SEMA5A: variants seen among roughly 807,000 people sequenced by gnomAD.
SEMA5A encodes semaphorin-5A.
In SEMA5A, 55 loss-of-function variants were observed where a neutral mutation model predicts 135.5. That is an observed-to-expected ratio of 0.41 (90% CI 0.33 to 0.51). The LOEUF (loss-of-function observed/expected upper bound fraction) is 0.51, where lower values mean the gene tolerates loss of function less well. Among genes scored for constraint, SEMA5A ranks in the 20% least tolerant of loss-of-function variants. The pLI is 0.37. For missense variants in SEMA5A, 1,290 were observed against 1,419.9 expected (o/e 0.91, Z 1.47); for synonymous variants, 580 against 546.5 (o/e 1.06, Z -0.85).
intron 1 of SEMA5A, among the ~76,000 whole-genome samples, chr5:9,468,598 C>CTACCTGTAAAGTTTATGCATGTAAA (rs71287841): frequency 1.3e-5 from 2 of 151,756 alleles, no homozygotes; most frequent in Non-Finnish European, 2.9e-5. Context: ...GGGGTGTGTC[C>CTACCTGTAAAGTTTATGCATGTAAA]TACATTTAAA....
intron 11 of SEMA5A, 65 bp from the exon 12 acceptor site, chr5:9,154,760 A>C: frequency 7.2e-7 from 1 of 1,389,628 alleles, no homozygotes; most frequent in Non-Finnish European, 1.0e-6. Context: ...TCCCTGGTTA[A>C]ACAGAGTGTG....
At chr5:9,377,210 A>G (rs1200976638) in intron 3 of SEMA5A, among the ~76,000 whole-genome samples, 1 of 152,272 alleles carries the variant, frequency 6.6e-6, no homozygotes, top group East Asian at 1.9e-4. Context: ...AAACAAGTCT[A>G]TATAATTGCC....
At chr5:9,527,220 C>T (rs1019626167) in intron 1 of SEMA5A, among the ~76,000 whole-genome samples, 16 of 152,070 alleles carry the variant, frequency 1.1e-4, no homozygotes, top group Non-Finnish European at 1.9e-4. Context: ...CTAGGAGACC[C>T]CTCAGAGCAC....
intron 1 of SEMA5A, among the ~76,000 whole-genome samples, chr5:9,528,261 G>C (rs570856196): frequency 1.3e-5 from 2 of 152,074 alleles, no homozygotes; most frequent in African/African-American, 4.8e-5. Flanking sequence ...TTTTAGCAAC[G>C]AACCCTCAAG....
intron 5 of SEMA5A, among the ~76,000 whole-genome samples, chr5:9,270,354 T>C (rs73742625): frequency 0.056 from 8,557 of 152,162 alleles, 322 homozygotes; most frequent in Middle Eastern, 0.19. Flanking sequence ...CAGCCATGCA[T>C]GACTACATAT....
intron 2 of SEMA5A, among the ~76,000 whole-genome samples, chr5:9,399,734 T>C (rs1432103198): frequency 6.6e-6 from 1 of 152,084 alleles, no homozygotes; most frequent in African/African-American, 2.4e-5. Flanking sequence ...GATTAGGGTG[T>C]GGCTGATGAC....
In SEMA5A at chr5:9,177,395, C is replaced by G. The variant is rs1263736122; in HGVS notation, c.1273+12872G>C. Among the ~76,000 whole-genome samples the G allele has an allele frequency of 2.6e-5, 4 of 152,156 alleles. No homozygotes were observed. The East Asian group carries it at 7.7e-4, about 29-fold the overall frequency. ...GGTATAAAGACACAACTGTGGGAAA[C>G]AGTGATGTTGACTCTATCCCAATAT... On this transcript the variant is annotated intron_variant, in intron 11 of 22. Transcript: ENST00000382496.
chr5:9,347,724 G>A (rs920596166), intron 3 of SEMA5A, among the ~76,000 whole-genome samples: 2 of 152,150 alleles, frequency 1.3e-5, no homozygotes, highest in African/African-American at 4.8e-5. Flanking sequence ...AGGCTGCTGG[G>A]GCAGGCGGCA....
intron 6 of SEMA5A, among the ~76,000 whole-genome samples, chr5:9,228,368 T>A (rs1378395086): frequency 6.6e-6 from 1 of 152,132 alleles, no homozygotes; most frequent in African/African-American, 2.4e-5. Context: ...GACACTCCAC[T>A]CAAGAGGAGC....
At chr5:9,397,377 T>C (rs1262773849) in intron 2 of SEMA5A, among the ~76,000 whole-genome samples, 1 of 152,262 alleles carries the variant, frequency 6.6e-6, no homozygotes, top group Non-Finnish European at 1.5e-5. Context: ...TGGTTGTGTG[T>C]TCTGTGCTTC....
At chr5:9,424,302 T>C (rs537117303) in intron 2 of SEMA5A, among the ~76,000 whole-genome samples, 105 of 152,352 alleles carry the variant, frequency 6.9e-4, no homozygotes, top group African/African-American at 2.4e-3. Context: ...GCTACTAAGA[T>C]GTTGAATGAA....
At chr5:9,456,669 T>C (rs1386981004) in intron 1 of SEMA5A, among the ~76,000 whole-genome samples, 1 of 152,014 alleles carries the variant, frequency 6.6e-6, no homozygotes, top group Non-Finnish European at 1.5e-5. Flanking sequence ...TCAGCCCAGC[T>C]GCAATAACAA....
intron 16 of SEMA5A, among the ~76,000 whole-genome samples, chr5:9,098,774 T>C (rs1485434589): frequency 6.6e-6 from 1 of 152,230 alleles, no homozygotes; most frequent in Non-Finnish European, 1.5e-5. Context: ...ATACTATTAT[T>C]GTGTCTCCAC....
At chr5:9,423,813 G>A (rs1421767356) in intron 2 of SEMA5A, among the ~76,000 whole-genome samples, 1 of 152,182 alleles carries the variant, frequency 6.6e-6, no homozygotes, top group Non-Finnish European at 1.5e-5. Context: ...AGGTCAAAGA[G>A]CCTCTCGCCC....
intron 16 of SEMA5A, among the ~76,000 whole-genome samples, chr5:9,089,809 C>G (rs1232576231): frequency 1.3e-5 from 2 of 152,054 alleles, no homozygotes; most frequent in Non-Finnish European, 2.9e-5. Flanking sequence ...GAAAGAAGCT[C>G]CCATTCACTC....
chr5:9,155,016 G>A (rs1742876442), intron 11 of SEMA5A, among the ~76,000 whole-genome samples: 1 of 152,128 alleles, frequency 6.6e-6, no homozygotes, highest in South Asian at 2.1e-4. Context: ...GCCATCCCAT[G>A]GAAAACATCA....
In SEMA5A at chr5:9,388,765, A is replaced by G. The variant is rs371830650; in HGVS notation, c.-77-8742T>C. ...ATACAAAAAATTAGCCGGGCATGGT[A>G]GCGGGCACCTGCAGTCCCAGCTACC... On this transcript the variant is annotated intron_variant, in intron 2 of 22. Transcript: ENST00000382496. Among the ~76,000 whole-genome samples the G allele has an allele frequency of 1.6e-4, 24 of 152,138 alleles. No individual in the cohort carries two copies. The East Asian group carries it at 1.9e-3, about 12-fold the overall frequency.
intron 1 of SEMA5A, among the ~76,000 whole-genome samples, chr5:9,520,957 G>A (rs561240968): frequency 2.6e-5 from 4 of 152,334 alleles, no homozygotes; most frequent in South Asian, 2.1e-4. Context: ...AGAATAGAGC[G>A]TGGCCTTCAG....
At chr5:9,484,276 G>A (rs1287122411) in intron 1 of SEMA5A, among the ~76,000 whole-genome samples, 1 of 152,160 alleles carries the variant, frequency 6.6e-6, no homozygotes, top group East Asian at 1.9e-4. Context: ...ACAGTCATTT[G>A]ACAAATACAT....
Sources: allele counts gnomAD v4.1 joint callset (sites outside exome capture counted in the v4.1 genomes callset), GRCh38; gene constraint gnomAD v4.1.1; transcripts MANE v1.5; gene names NCBI Gene and HGNC (gene_info 2026-07-23, HGNC 2026-07-21).